The following CLRN1 variants were observed in gnomAD, a reference collection of about 807,000 sequenced individuals.
The protein encoded by CLRN1 is clarin-1.
CLRN1 carries 15 observed loss-of-function variants against 18.7 expected under a neutral mutation model. The ratio of observed to expected loss-of-function variants is 0.80; its 90% confidence interval spans 0.54 to 1.23. The LOEUF is 1.23. CLRN1 is among the 50% of genes most tolerant of loss of function. The probability of loss-of-function intolerance (pLI) is 0.00; values close to 1 mark genes in which losing one functional copy is unlikely to be tolerated. For synonymous variants in CLRN1, 104 were observed against 102.9 expected (o/e 1.01, Z -0.07); for missense variants, 311 against 277.5 (o/e 1.12, Z -0.86).
intron 1 of CLRN1, among the ~76,000 whole-genome samples, chr3:150,971,089 A>T (rs187213182): frequency 5.9e-5 from 9 of 152,248 alleles, no homozygotes; most frequent in Admixed American, 5.9e-4. Context: ...GAGAAGCTTT[A>T]CTCACGCTTT....
intron 1 of CLRN1, among the ~76,000 whole-genome samples, chr3:150,963,286 C>T (rs1715114859): frequency 1.3e-5 from 2 of 152,128 alleles, no homozygotes; most frequent in Non-Finnish European, 2.9e-5. Flanking sequence ...AAACAGAGAG[C>T]AAACTTATGA....
intron 2 of CLRN1, among the ~76,000 whole-genome samples, chr3:150,934,698 A>C (rs1275735390): frequency 6.6e-6 from 1 of 152,148 alleles, no homozygotes; most frequent in East Asian, 1.9e-4. Context: ...GAATATATAA[A>C]AGGCCCCCAC....
intron 1 of CLRN1, among the ~76,000 whole-genome samples, chr3:150,957,319 A>T (rs1375301041): frequency 6.6e-6 from 1 of 151,320 alleles, no homozygotes; most frequent in East Asian, 1.9e-4. Context: ...CTATTTCCTG[A>T]TCTCAGTCTT....
At chr3:150,950,573 T>C (rs1189734966) in intron 1 of CLRN1, among the ~76,000 whole-genome samples, 1 of 152,120 alleles carries the variant, frequency 6.6e-6, no homozygotes, top group Admixed American at 6.5e-5. Flanking sequence ...CACTGATCAT[T>C]AGAGAAATGC....
intron 1 of CLRN1, chr3:150,943,836 G>A: frequency 6.2e-7 from 1 of 1,614,158 alleles, no homozygotes; most frequent in Admixed American, 1.7e-5. Flanking sequence ...GCTGCTGCAG[G>A]GCCTGCATGG....
intron 2 of CLRN1, among the ~76,000 whole-genome samples, chr3:150,931,169 G>A (rs1349530593): frequency 6.6e-6 from 1 of 152,198 alleles, no homozygotes; most frequent in Admixed American, 6.5e-5. Flanking sequence ...AAAAGACATG[G>A]GATCAAGGAT....
intron 1 of CLRN1, chr3:150,943,954 C>T: frequency 6.3e-7 from 1 of 1,578,092 alleles, no homozygotes; most frequent in Non-Finnish European, 8.6e-7. Flanking sequence ...AATGGGGTAC[C>T]CCTGTTGGGA....
At chr3:150,969,313 A>ATAT (rs1267715691) in intron 1 of CLRN1, among the ~76,000 whole-genome samples, 2 of 43,548 alleles carry the variant, frequency 4.6e-5, no homozygotes, top group Non-Finnish European at 7.7e-5. Context: ...ATATATATAT[A>ATAT]TTTTTTTTTT....
At chr3:150,967,539 C>G (rs575424116) in intron 1 of CLRN1, among the ~76,000 whole-genome samples, 3 of 152,276 alleles carry the variant, frequency 2.0e-5, no homozygotes, top group African/African-American at 4.8e-5. Flanking sequence ...TTCCTCTCCT[C>G]CCCTAACCAG....
chr3:150,938,639 G>A (rs1713627216), intron 2 of CLRN1, among the ~76,000 whole-genome samples: 1 of 151,972 alleles, frequency 6.6e-6, no homozygotes, highest in Admixed American at 6.6e-5. Context: ...AAGTATTGGG[G>A]GCTTAGAAAA....
At chr3:150,955,835 T>C (rs1714711996) in intron 1 of CLRN1, among the ~76,000 whole-genome samples, 1 of 152,202 alleles carries the variant, frequency 6.6e-6, no homozygotes, top group East Asian at 1.9e-4. Flanking sequence ...GGGACCTTTT[T>C]TTATGAACAA....
chr3:150,958,521 C>T (rs1373477810), intron 1 of CLRN1, among the ~76,000 whole-genome samples: 1 of 152,224 alleles, frequency 6.6e-6, no homozygotes, highest in African/African-American at 2.4e-5. Flanking sequence ...GCCTTCCTCT[C>T]CAGTCTTACC....
chr3:150,972,761 C>T, upstream of CLRN1: 1 of 1,613,262 alleles, frequency 6.2e-7, no homozygotes. Flanking sequence ...CCTTTGTGAG[C>T]AATGGGAAGG....
At chr3:150,955,264 G>A (rs191820269) in intron 1 of CLRN1, among the ~76,000 whole-genome samples, 1 of 152,298 alleles carries the variant, frequency 6.6e-6, no homozygotes, top group East Asian at 1.9e-4. Context: ...ACCAAAAAAG[G>A]GACAGGGAGA....
intron 1 of CLRN1, among the ~76,000 whole-genome samples, chr3:150,943,188 G>A (rs979837011): frequency 3.3e-5 from 5 of 152,136 alleles, no homozygotes; most frequent in East Asian, 1.9e-4. Context: ...TTAGGCAGAC[G>A]GGGCAGGTCC....
intron 2 of CLRN1, among the ~76,000 whole-genome samples, chr3:150,932,255 T>A (rs1253269443): frequency 6.6e-6 from 1 of 152,126 alleles, no homozygotes; most frequent in African/African-American, 2.4e-5. Flanking sequence ...CCTTACTATA[T>A]GGGGAACGTA....
intron 2 of CLRN1, 132 bp downstream of exon 2, chr3:150,941,450 T>A: frequency 1.1e-6 from 1 of 926,638 alleles, no homozygotes; most frequent in East Asian, 2.6e-5. Flanking sequence ...TCCACACTTT[T>A]TGTTATTATG....
intron 1 of CLRN1, among the ~76,000 whole-genome samples, chr3:150,969,105 C>T (rs1234099111): frequency 6.2e-5 from 9 of 145,640 alleles, no homozygotes; most frequent in East Asian, 2.0e-4. Context: ...TCCAAGACAG[C>T]GTCAAGAAAA....
At chr3:150,934,539 A>T (rs1713343565) in intron 2 of CLRN1, among the ~76,000 whole-genome samples, 1 of 152,162 alleles carries the variant, frequency 6.6e-6, no homozygotes, top group Non-Finnish European at 1.5e-5. Flanking sequence ...GCCTGAACCA[A>T]TACCTTTCAT....
Sources: allele counts gnomAD v4.1 joint callset (sites outside exome capture counted in the v4.1 genomes callset), GRCh38; gene constraint gnomAD v4.1.1; transcripts MANE v1.5; gene names NCBI Gene and HGNC (gene_info 2026-07-23, HGNC 2026-07-21).